DPP6: variants seen among roughly 807,000 people sequenced by gnomAD.
The protein encoded by DPP6 is A-type potassium channel modulatory protein DPP6.
Under a neutral mutation model 122.6 loss-of-function variants are expected in DPP6, and 69 were observed. The ratio of observed to expected loss-of-function variants is 0.56; its 90% CI spans 0.46 to 0.69. DPP6 has a LOEUF of 0.69. Ranked by LOEUF, DPP6 falls within the 30% of genes least tolerant of loss-of-function variation. The pLI, the probability that DPP6 is intolerant of heterozygous loss-of-function variation, is 0.00. For synonymous variants in DPP6, 418 were observed against 433.1 expected (o/e 0.97, Z 0.43); for missense variants, 928 against 1,116.9 (o/e 0.83, Z 2.41).
chr7:154,280,420 A>G (rs1306767608), intron 1 of DPP6, among the ~76,000 whole-genome samples: 1 of 151,944 alleles, frequency 6.6e-6, no homozygotes, highest in Non-Finnish European at 1.5e-5. Context: ...CTCATACCCA[A>G]ACTCCCCACT....
chr7:154,189,086 G>T (rs932693102), intron 1 of DPP6, among the ~76,000 whole-genome samples: 1 of 152,122 alleles, frequency 6.6e-6, no homozygotes, highest in Non-Finnish European at 1.5e-5. Context: ...GCGTTCTGTG[G>T]GTCTCCCTGA....
intron 10 of DPP6, among the ~76,000 whole-genome samples, chr7:154,789,660 G>A (rs1288011943): frequency 6.6e-6 from 1 of 152,236 alleles, no homozygotes; most frequent in Non-Finnish European, 1.5e-5. Flanking sequence ...TGTCTGGAGA[G>A]TCCACACTCG....
intron 1 of DPP6, among the ~76,000 whole-genome samples, chr7:153,999,540 A>G (rs571565279): frequency 5.6e-4 from 86 of 152,286 alleles, no homozygotes; most frequent in African/African-American, 2.0e-3. Context: ...GTACTTGCCG[A>G]GTGCTCACTG....
chr7:154,654,714 G>A (rs1340559343), intron 6 of DPP6, among the ~76,000 whole-genome samples: 5 of 151,792 alleles, frequency 3.3e-5, no homozygotes, highest in South Asian at 2.1e-4. Flanking sequence ...CACCGTGCCC[G>A]GCCCAAGTGT....
intron 1 of DPP6, among the ~76,000 whole-genome samples, chr7:154,060,005 C>A (rs1352332696): frequency 6.6e-6 from 1 of 151,718 alleles, no homozygotes; most frequent in Non-Finnish European, 1.5e-5. Flanking sequence ...TTGGGACCCG[C>A]ATCGCGGGAG....
At chr7:154,407,429 C>G (rs1816210417) in intron 1 of DPP6, among the ~76,000 whole-genome samples, 1 of 152,174 alleles carries the variant, frequency 6.6e-6, no homozygotes, top group African/African-American at 2.4e-5. Flanking sequence ...CAGTGCCTAG[C>G]CACTGTCTCA....
intron 10 of DPP6, among the ~76,000 whole-genome samples, chr7:154,792,102 G>GA (rs1361580660): frequency 6.6e-6 from 1 of 152,122 alleles, no homozygotes; most frequent in Non-Finnish European, 1.5e-5. Flanking sequence ...GACATAGAGG[G>GA]AAAAAATAGT....
At chr7:154,669,505 A>G (rs973552345) in intron 7 of DPP6, 64 bp downstream of exon 7, 47 of 1,542,698 alleles carry the variant, frequency 3.0e-5, no homozygotes, top group Non-Finnish European at 4.0e-5. Context: ...TCTAAGCTGA[A>G]TGGATCTCAC....
At chr7:153,964,913 C>CTTTCTTTCTTTCTTT (rs1491387853) in intron 1 of DPP6, among the ~76,000 whole-genome samples, 1 of 113,366 alleles carries the variant, frequency 8.8e-6, no homozygotes, top group Non-Finnish European at 1.6e-5. Flanking sequence ...CTTTTCTTTT[C>CTTTCTTTCTTTCTTT]CTTTCTTTCT....
At chr7:153,882,645 C>T (rs1297940068), upstream of DPP6, among the ~76,000 whole-genome samples, 3 of 152,224 alleles carry the variant, frequency 2.0e-5, no homozygotes, top group Non-Finnish European at 4.4e-5. Context: ...ATCGACACCA[C>T]CAATGGCTGC....
intron 6 of DPP6, among the ~76,000 whole-genome samples, chr7:154,643,073 T>G (rs1195559652): frequency 6.6e-6 from 1 of 152,192 alleles, no homozygotes; most frequent in East Asian, 1.9e-4. Context: ...CTGTTACAAA[T>G]GAAGGAATAA....
At position 154,892,843 on chromosome 7, in the gene DPP6, C is replaced by A. The variant is rs745561224; in HGVS notation, c.*363C>A. The A allele has an allele frequency of 5.5e-6, 3 of 544,928 alleles. No homozygotes were observed. The highest frequency in any genetic ancestry group is 1.1e-5 in the Non-Finnish European group (3 of 277,452). 33.8% of individuals were successfully genotyped at this position (544,928 alleles called of 1,614,324 possible). ...CTAGATTCCAGCCACCAAGCGGAAG[C>A]ATGAGACCCGCCCACACTAGCCTCT... On this transcript the variant is annotated 3_prime_UTR_variant, in exon 26 of 26. Transcript: ENST00000377770.
At chr7:154,693,749 C>T (rs985100485) in intron 7 of DPP6, among the ~76,000 whole-genome samples, 71 of 152,302 alleles carry the variant, frequency 4.7e-4, no homozygotes, top group African/African-American at 1.7e-3. Flanking sequence ...AGCACCTGGC[C>T]ATGCCCCAAC....
intron 1 of DPP6, among the ~76,000 whole-genome samples, chr7:154,314,282 C>A (rs1272965104): frequency 6.6e-6 from 1 of 152,158 alleles, no homozygotes; most frequent in Non-Finnish European, 1.5e-5. Context: ...TATAGAAACA[C>A]GGAATGCTGT....
intron 1 of DPP6, among the ~76,000 whole-genome samples, chr7:153,911,386 G>T (rs1052154150): frequency 1.3e-5 from 2 of 152,102 alleles, no homozygotes; most frequent in African/African-American, 2.4e-5. Context: ...TTTATTGGTT[G>T]GCATGACTAT....
intron 1 of DPP6, among the ~76,000 whole-genome samples, chr7:153,971,142 C>CCAATA: frequency 6.6e-6 from 1 of 150,798 alleles, no homozygotes; most frequent in East Asian, 1.9e-4. Flanking sequence ...TAAATTTTTA[C>CCAATA]CAATATCACA....
intron 21 of DPP6, among the ~76,000 whole-genome samples, chr7:154,883,059 ATT>A (rs1491363157): frequency 6.3e-4 from 45 of 71,878 alleles, no homozygotes; most frequent in African/African-American, 2.4e-3. Context: ...ATGCTCACAC[ATT>A]CACACACATG....
At chr7:154,292,646 A>G (rs1805282321) in intron 1 of DPP6, among the ~76,000 whole-genome samples, 1 of 152,192 alleles carries the variant, frequency 6.6e-6, no homozygotes, top group African/African-American at 2.4e-5. Context: ...GGTCATCTGG[A>G]GAAGCTAAGG....
chr7:154,648,718 G>A (rs767653608), intron 6 of DPP6, among the ~76,000 whole-genome samples: 69 of 152,210 alleles, frequency 4.5e-4, no homozygotes, highest in South Asian at 8.3e-4. Context: ...AAGAGATCAA[G>A]ACCATCCTGG....
Sources: allele counts gnomAD v4.1 joint callset (sites outside exome capture counted in the v4.1 genomes callset), GRCh38; gene constraint gnomAD v4.1.1; transcripts MANE v1.5; gene names NCBI Gene and HGNC (gene_info 2026-07-23, HGNC 2026-07-21).